PPA2: variants seen among roughly 807,000 people sequenced by gnomAD.
PPA2 encodes the protein inorganic pyrophosphatase 2, also known as inorganic pyrophosphatase 2, mitochondrial.
Under a neutral mutation model 49.5 loss-of-function variants are expected in PPA2, and 48 were observed. The observed-to-expected ratio is 0.97, with a 90% CI of 0.77 to 1.23. The LOEUF is 1.23. Among genes scored for constraint, PPA2 ranks in the 50% most tolerant of loss-of-function variants. The pLI is 0.00. For synonymous variants in PPA2, 131 were observed against 139.9 expected, an observed-to-expected ratio of 0.94 and a Z score of 0.45; for missense variants, 429 against 410.1, an observed-to-expected ratio of 1.05 and a Z score of -0.40.
chr4:105,396,637 C>G (rs1241832076), intron 8 of PPA2, among the ~76,000 whole-genome samples: 1 of 148,394 alleles, frequency 6.7e-6, no homozygotes, highest in Admixed American at 6.9e-5. Flanking sequence ...TAAAGTTTTA[C>G]TGAACAGTCA....
At chr4:105,386,544 T>C (rs375565262) in intron 10 of PPA2, 23 bp downstream of exon 10, 4 of 1,586,592 alleles carry the variant, frequency 2.5e-6, no homozygotes, top group Admixed American at 1.7e-5. Flanking sequence ...GATTAAAGGA[T>C]GTCTTGGATG....
intron 1 of PPA2, chr4:105,473,244 T>G: frequency 5.8e-6 from 1 of 173,058 alleles, no homozygotes; most frequent in South Asian, 1.1e-4. Flanking sequence ...CGCTTAGCCT[T>G]CTGGGCTTGT....
chr4:105,400,805 T>A (rs2110397153), intron 7 of PPA2, among the ~76,000 whole-genome samples: 1 of 152,168 alleles, frequency 6.6e-6, no homozygotes, highest in African/African-American at 2.4e-5. Flanking sequence ...TCTACCTCAG[T>A]CTAGGAGGCT....
chr4:105,469,276 G>A (rs1044976888), intron 1 of PPA2, among the ~76,000 whole-genome samples: 3 of 152,176 alleles, frequency 2.0e-5, no homozygotes, highest in Admixed American at 1.3e-4. Context: ...CAATCTACAC[G>A]ATATTGCCAA....
intron 10 of PPA2, among the ~76,000 whole-genome samples, chr4:105,374,752 G>A (rs1228304437): frequency 1.3e-5 from 2 of 151,810 alleles, no homozygotes; most frequent in African/African-American, 2.4e-5. Context: ...TACTAAAAGA[G>A]TTCAAAATTA....
chr4:105,460,817 TA>T (rs1723056867), intron 1 of PPA2, among the ~76,000 whole-genome samples: 1 of 147,156 alleles, frequency 6.8e-6, no homozygotes, highest in African/African-American at 2.6e-5. Context: ...ATGCTCTTGT[TA>T]ACTGTGGACA....
chr4:105,453,667 A>C, intron 2 of PPA2, 25 bp from the exon 3 acceptor site: 1 of 1,583,392 alleles, frequency 6.3e-7, no homozygotes, highest in Non-Finnish European at 8.6e-7. Context: ...ATGGTGAAAG[A>C]CTGCAATATT....
At position 105,438,105 on chromosome 4, in the gene PPA2, A is replaced by G. The variant is rs1438171611; in HGVS notation, c.442-69T>C. On this transcript the variant is annotated intron_variant, in intron 5 of 11. Coordinates refer to ENST00000341695, the MANE Select transcript of PPA2 (RefSeq NM_176869.3). ...CTATAATGTACTTTAATCTTTCCAC[A>G]TAATCACAAAGTTTTATAGATAACA... 6.3e-6 allele frequency: 7 copies of G among 1,106,800 alleles called. No individual in the cohort carries two copies. In the Admixed American group the frequency reaches 1.6e-4, roughly 25 times the overall value. 68.6% of individuals were successfully genotyped at this position (1,106,800 alleles called of 1,614,324 possible).
chr4:105,384,123 G>A (rs1490604), intron 10 of PPA2, among the ~76,000 whole-genome samples: 1 of 151,994 alleles, frequency 6.6e-6, no homozygotes, highest in Non-Finnish European at 1.5e-5. Context: ...CTAAGAATCC[G>A]AAATCATTCA....
At position 105,375,125 on chromosome 4, in the gene PPA2, T is replaced by C. The variant is rs371147184; in HGVS notation, c.940-4252A>G. Among the ~76,000 whole-genome samples, 8 of 152,206 alleles carry C rather than the reference T, an allele frequency of 5.3e-5. No individual in the cohort carries two copies. In the East Asian group the frequency reaches 1.5e-3, roughly 29 times the overall value. On this transcript the variant is annotated intron_variant, in intron 10 of 11. Coordinates refer to ENST00000341695, the MANE Select transcript of PPA2 (RefSeq NM_176869.3). ...TATAGGTTCAATTCTTAGTTATTCA[T>C]AAAGAAGACATAAAAATATTTTAAG... is the stretch of plus-strand genomic sequence containing the variant.
chr4:105,429,721 AT>A (rs1177117212), intron 6 of PPA2, among the ~76,000 whole-genome samples: 1 of 152,226 alleles, frequency 6.6e-6, no homozygotes, highest in African/African-American at 2.4e-5. Flanking sequence ...ATTACATAAT[AT>A]AAACTTGATT....
At chr4:105,418,862 A>G (rs1458355118) in intron 7 of PPA2, among the ~76,000 whole-genome samples, 1 of 152,198 alleles carries the variant, frequency 6.6e-6, no homozygotes, top group Non-Finnish European at 1.5e-5. Context: ...AGGCACAAAC[A>G]TCTGTTTGGT....
At chr4:105,431,507 C>A (rs1221248783) in intron 6 of PPA2, among the ~76,000 whole-genome samples, 1 of 152,098 alleles carries the variant, frequency 6.6e-6, no homozygotes, top group Non-Finnish European at 1.5e-5. Context: ...TTGGAGTTAA[C>A]ATGCTGGGGA....
chr4:105,449,515 TGA>T (rs1722576785), intron 3 of PPA2, 112 bp from the exon 4 acceptor site: 1 of 614,184 alleles, frequency 1.6e-6, no homozygotes, highest in Non-Finnish European at 2.8e-6. Flanking sequence ...AAAAAAATGT[TGA>T]GTCTCCATCA....
chr4:105,415,095 G>A (rs75297029), intron 7 of PPA2, among the ~76,000 whole-genome samples: 5,753 of 152,222 alleles, frequency 0.038, 331 homozygotes, highest in African/African-American at 0.12. Context: ...ATTGGCCCAT[G>A]GGCAGCCATG....
intron 10 of PPA2, among the ~76,000 whole-genome samples, chr4:105,375,235 T>C (rs925282651): frequency 6.6e-6 from 1 of 152,076 alleles, no homozygotes; most frequent in Non-Finnish European, 1.5e-5. Flanking sequence ...GGTTTTACTT[T>C]CACTAACTTT....
chr4:105,453,600 C>G lies in PPA2; in HGVS notation c.265G>C (p.Glu89Gln). 6.2e-7 allele frequency: 1 copy of G among 1,602,990 alleles called. No individual in the cohort carries two copies. The highest frequency in any genetic ancestry group is 8.5e-7 in the Non-Finnish European group (1 of 1,173,532). Residue 89 changes from glutamate to glutamine, a missense_variant and splice_region_variant, in exon 3 of 12, where the codon GAG (glutamate) becomes CAG (glutamine). By Grantham distance (29) the Glu-to-Gln change is conservative (BLOSUM62 2). Transcript: ENST00000341695. ...AAAATAAAAACCTTTGGATATACCT[C>G]ATATTCATCATTTCGTGCTTTCTTC... ...PMKKARNDEY[E>Q]NLFNMIVEIP...
chr4:105,441,301 G>A (rs978603854), intron 5 of PPA2, among the ~76,000 whole-genome samples: 1 of 152,020 alleles, frequency 6.6e-6, no homozygotes, highest in African/African-American at 2.4e-5. Context: ...ATATGAACAG[G>A]TAATTAAAAG....
chr4:105,397,866 T>C (rs1423531243), intron 8 of PPA2, among the ~76,000 whole-genome samples: 1 of 152,222 alleles, frequency 6.6e-6, no homozygotes. Flanking sequence ...GCCAGCACCA[T>C]GCTTCTGGTA....
Sources: allele counts gnomAD v4.1 joint callset (sites outside exome capture counted in the v4.1 genomes callset), GRCh38; gene constraint gnomAD v4.1.1; transcripts MANE v1.5; gene names NCBI Gene and HGNC (gene_info 2026-07-23, HGNC 2026-07-21).